The following KCNMA1 variants were observed in gnomAD, a reference collection of about 807,000 sequenced individuals.
The protein encoded by KCNMA1 is Calcium-activated potassium channel subunit alpha-1.
Under a neutral mutation model 140.0 loss-of-function variants are expected in KCNMA1, and 29 were observed. The observed-to-expected ratio is 0.21, with a 90% CI of 0.15 to 0.28. KCNMA1 has a LOEUF of 0.28. Among genes scored for constraint, KCNMA1 ranks in the 10% least tolerant of loss-of-function variants. The probability of loss-of-function intolerance (pLI) is 1.00; values close to 1 mark genes in which losing one functional copy is unlikely to be tolerated. For synonymous variants in KCNMA1, 612 were observed against 611.9 expected (o/e 1.00, Z 0.00); for missense variants, 880 against 1,602.2 (o/e 0.55, Z 7.70).
intron 14 of KCNMA1, among the ~76,000 whole-genome samples, chr10:77,054,893 C>T (rs115902215): frequency 1.4e-3 from 214 of 152,136 alleles, no homozygotes; most frequent in African/African-American, 4.6e-3. Flanking sequence ...TACCAGGAGA[C>T]GCACAGGATG....
chr10:77,301,159 C>G (rs1296236937), intron 2 of KCNMA1, among the ~76,000 whole-genome samples: 1 of 152,144 alleles, frequency 6.6e-6, no homozygotes, highest in Non-Finnish European at 1.5e-5. Context: ...CATAATAAAG[C>G]AGAGGTTCTT....
chr10:77,145,030 A>C (rs567090186), intron 5 of KCNMA1, among the ~76,000 whole-genome samples: 22 of 152,348 alleles, frequency 1.4e-4, no homozygotes, highest in African/African-American at 5.0e-4. Flanking sequence ...ACTAGGGCCC[A>C]GTCAAACTGG....
intron 2 of KCNMA1, among the ~76,000 whole-genome samples, chr10:77,380,177 T>C (rs565733202): frequency 1.3e-5 from 2 of 152,356 alleles, no homozygotes; most frequent in African/African-American, 2.4e-5. Context: ...AGTTCTTTCA[T>C]GTGCATCTAA....
chr10:77,376,948 A>AATAAATACATACATACATAC (rs139166652), intron 2 of KCNMA1, among the ~76,000 whole-genome samples: 63 of 148,430 alleles, frequency 4.2e-4, no homozygotes, highest in East Asian at 3.6e-3. Flanking sequence ...AAAATAAATA[A>AATAAATACATACATACATAC]ATACATACAT....
chr10:77,468,093 C>T (rs559798915), intron 1 of KCNMA1, among the ~76,000 whole-genome samples: 37 of 152,198 alleles, frequency 2.4e-4, no homozygotes, highest in African/African-American at 7.0e-4. Flanking sequence ...TTGCAGACTC[C>T]GCCTCCCGGG....
Position 77,420,663 on chromosome 10 carries a change from T to C in KCNMA1, c.379-16640A>G, listed in dbSNP as rs2096846982. On this transcript the variant is annotated intron_variant, in intron 1 of 27. Coordinates refer to ENST00000286628, the MANE Select transcript of KCNMA1 (RefSeq NM_001161352.2). ...CTGGGCCTGGTGGATTTGTAGCAGG[T>C]GTGCAACAAACAATCAATATTTATT... Among the ~76,000 whole-genome samples, 3 of 126,242 alleles carry C rather than the reference T, an allele frequency of 2.4e-5. No homozygotes were observed. The Admixed American group carries it at 2.4e-4, about 10-fold the overall frequency. The allele number at this position is 126,242 out of a possible 152,430, so 82.8% of individuals were successfully genotyped here. A position where few individuals can be genotyped will look rare whatever the true frequency, so the allele number is the denominator to read the frequency against.
At chr10:77,582,440 T>A (rs2154563181) in intron 1 of KCNMA1, among the ~76,000 whole-genome samples, 2 of 152,336 alleles carry the variant, frequency 1.3e-5, no homozygotes, top group South Asian at 4.1e-4. Context: ...CCTGAAGAAA[T>A]GCTCATTCCC....
In KCNMA1 at chr10:77,310,160, G is replaced by A. The variant is rs542432713; in HGVS notation, c.541-58904C>T. Among the ~76,000 whole-genome samples, 21 of 152,310 alleles carry A rather than the reference G, an allele frequency of 1.4e-4. No individual in the cohort carries two copies. In the South Asian group the frequency reaches 3.9e-3, roughly 29 times the overall value. ...CTTAGCGTCTTTGAAGGAACCACTA[G>A]GGATGATAATTTAGACAGCGTGCAC... On this transcript the variant is annotated intron_variant, in intron 2 of 27. Transcript: ENST00000286628.
chr10:77,176,460 G>GA (rs950617921), intron 5 of KCNMA1, among the ~76,000 whole-genome samples: 7 of 151,154 alleles, frequency 4.6e-5, no homozygotes, highest in South Asian at 2.1e-4. Context: ...CCCATGAAAA[G>GA]AAAAAAAAAT....
chr10:77,575,002 C>T (rs2073516344), intron 1 of KCNMA1, among the ~76,000 whole-genome samples: 1 of 152,222 alleles, frequency 6.6e-6, no homozygotes, highest in African/African-American at 2.4e-5. Context: ...TTCCTGCCTC[C>T]TCCTAGCCCT....
At chr10:77,328,991 C>A (rs998180687) in intron 2 of KCNMA1, among the ~76,000 whole-genome samples, 1 of 152,022 alleles carries the variant, frequency 6.6e-6, no homozygotes, top group Non-Finnish European at 1.5e-5. Context: ...CAGGCGCCTG[C>A]CACCATGCCC....
At chr10:77,391,707 A>T (rs891893773) in intron 2 of KCNMA1, among the ~76,000 whole-genome samples, 4 of 151,900 alleles carry the variant, frequency 2.6e-5, no homozygotes, top group African/African-American at 4.8e-5. Context: ...TTAGTGCACC[A>T]AATTGGGCTG....
chr10:76,915,105 A>C, intron 23 of KCNMA1, 56 bp from the exon 24 acceptor site: 1 of 1,280,600 alleles, frequency 7.8e-7, no homozygotes, highest in East Asian at 2.3e-5. Context: ...AAATTTGGAA[A>C]TAATCAGAGT....
At chr10:77,152,278 T>TGTGTGTGTGTG (rs2098426947) in intron 5 of KCNMA1, among the ~76,000 whole-genome samples, 8 of 99,188 alleles carry the variant, frequency 8.1e-5, no homozygotes, top group South Asian at 4.0e-4. Context: ...TTTTTTGCTT[T>TGTGTGTGTGTG]TGTGTGTGTG....
chr10:76,903,547 T>C (rs1167343653), intron 25 of KCNMA1: 2 of 152,220 alleles, frequency 1.3e-5, no homozygotes, highest in East Asian at 1.9e-4. Context: ...CATACCTCCA[T>C]GTACCCGACT....
At chr10:77,566,464 G>A (rs1373479561) in intron 1 of KCNMA1, among the ~76,000 whole-genome samples, 1 of 152,234 alleles carries the variant, frequency 6.6e-6, no homozygotes, top group East Asian at 1.9e-4. Context: ...CGGAAGGCCA[G>A]TGATGTCATC....
intron 14 of KCNMA1, among the ~76,000 whole-genome samples, chr10:77,040,206 C>G (rs1035472780): frequency 6.6e-6 from 1 of 151,962 alleles, no homozygotes; most frequent in Non-Finnish European, 1.5e-5. Flanking sequence ...TCTAATGGTG[C>G]GGAGACATGG....
At chr10:77,485,246 G>C (rs2098447357) in intron 1 of KCNMA1, among the ~76,000 whole-genome samples, 1 of 152,164 alleles carries the variant, frequency 6.6e-6, no homozygotes, top group Non-Finnish European at 1.5e-5. Flanking sequence ...ACGCAATAAA[G>C]TGCACACAGA....
intron 1 of KCNMA1, among the ~76,000 whole-genome samples, chr10:77,481,006 G>C (rs932772207): frequency 2.0e-5 from 3 of 150,154 alleles, no homozygotes; most frequent in African/African-American, 7.4e-5. Flanking sequence ...TGTAATCCCA[G>C]CTACTTGGGA....
Sources: allele counts gnomAD v4.1 joint callset (sites outside exome capture counted in the v4.1 genomes callset), GRCh38; gene constraint gnomAD v4.1.1; transcripts MANE v1.5; gene names NCBI Gene and HGNC (gene_info 2026-07-23, HGNC 2026-07-21).